Variants in ZNF184 observed in about 807,000 individuals in gnomAD.
The protein encoded by ZNF184 is zinc finger protein 184.
In ZNF184, 16 loss-of-function variants were observed where a neutral mutation model predicts 54.4. The ratio of observed to expected loss-of-function variants is 0.29; its 90% CI spans 0.20 to 0.45. ZNF184 has a LOEUF of 0.45. ZNF184 is among the 20% of genes least tolerant of loss of function. The probability of loss-of-function intolerance (pLI) is 1.00; values close to 1 mark genes in which losing one functional copy is unlikely to be tolerated. For missense variants in ZNF184, 681 were observed against 888.2 expected (o/e 0.77, Z 2.97); for synonymous variants, 254 against 295.3 (o/e 0.86, Z 1.43).
At chr6:27,422,144 AAAAAAAAG>A in the ZNF184 span, among the ~76,000 whole-genome samples, 14 of 42,304 alleles carry the variant, frequency 3.3e-4, 1 homozygote, top group Non-Finnish European at 6.6e-4. Flanking sequence ...GTACCTCAAA[AAAAAAAAG>A]AAAGAAAGAA....
chr6:27,419,694 T>G, the ZNF184 span, among the ~76,000 whole-genome samples: 1 of 100,630 alleles, frequency 9.9e-6, no homozygotes, highest in Non-Finnish European at 2.3e-5. This position sits in a 1 kb window ranked among gnomAD's most constrained non-coding sequence, Gnocchi z 4.8. Context: ...CTTCTCATGC[T>G]CCACAACAAT....
the ZNF184 span, among the ~76,000 whole-genome samples, chr6:27,422,195 A>AGAAG: frequency 1.2e-5 from 1 of 86,700 alleles, no homozygotes; most frequent in Non-Finnish European, 2.7e-5. Flanking sequence ...AAAGAAAGAA[A>AGAAG]GAAAGAAAGA....
At chr6:27,411,710 C>T in the ZNF184 span, among the ~76,000 whole-genome samples, 1 of 152,140 alleles carries the variant, frequency 6.6e-6, no homozygotes, top group African/African-American at 2.4e-5. Context: ...TTAATGTGGC[C>T]CAAATTACTG....
At chr6:27,409,878 T>C in the ZNF184 span, among the ~76,000 whole-genome samples, 1 of 152,206 alleles carries the variant, frequency 6.6e-6, no homozygotes, top group Admixed American at 6.5e-5. Flanking sequence ...CTTCCAGTCC[T>C]ATAAGCTCTA....
At chr6:27,410,126 C>T in the ZNF184 span, among the ~76,000 whole-genome samples, 2 of 152,172 alleles carry the variant, frequency 1.3e-5, no homozygotes, top group African/African-American at 4.8e-5. Context: ...TGAAAGTATA[C>T]TCTATGATGT....
At chr6:27,421,931 C>T in the ZNF184 span, among the ~76,000 whole-genome samples, 1 of 151,760 alleles carries the variant, frequency 6.6e-6, no homozygotes, top group African/African-American at 2.4e-5. Flanking sequence ...CTTAGCCAGG[C>T]TTGGTGGCAC....
the ZNF184 span, among the ~76,000 whole-genome samples, chr6:27,430,033 G>A: frequency 1.3e-5 from 2 of 152,204 alleles, no homozygotes; most frequent in Non-Finnish European, 2.9e-5. Context: ...AGTTAATTGG[G>A]TGGAGAAGTG....
chr6:27,449,628 C>A (rs1201356775), downstream of ZNF184, among the ~76,000 whole-genome samples: 1 of 152,080 alleles, frequency 6.6e-6, no homozygotes, highest in African/African-American at 2.4e-5. Flanking sequence ...GTGGCATGCA[C>A]CTATAGTTCC....
chr6:27,430,615 T>A, the ZNF184 span, among the ~76,000 whole-genome samples: 2 of 152,266 alleles, frequency 1.3e-5, no homozygotes, highest in South Asian at 4.1e-4. Flanking sequence ...TACCACAAGC[T>A]GGAAGAGGCA....
At chr6:27,421,112 CA>C in the ZNF184 span, among the ~76,000 whole-genome samples, 1 of 152,182 alleles carries the variant, frequency 6.6e-6, no homozygotes, top group Non-Finnish European at 1.5e-5. Flanking sequence ...TGGTGAAGCA[CA>C]GAGGATTTTT....
At chr6:27,454,973 A>G (rs1178708913) in intron 5 of ZNF184, among the ~76,000 whole-genome samples, 3 of 152,202 alleles carry the variant, frequency 2.0e-5, no homozygotes, top group Non-Finnish European at 4.4e-5. Context: ...GAGGGTCAAG[A>G]TCATCAAGAC....
chr6:27,422,352 A>G, the ZNF184 span, among the ~76,000 whole-genome samples: 1 of 151,954 alleles, frequency 6.6e-6, no homozygotes, highest in Non-Finnish European at 1.5e-5. Flanking sequence ...AGCAACAGAG[A>G]TGTTCCTTTT....
chr6:27,423,313 A>G, the ZNF184 span, among the ~76,000 whole-genome samples: 4 of 152,246 alleles, frequency 2.6e-5, no homozygotes, highest in Middle Eastern at 3.4e-3. Flanking sequence ...TTTTGCGGGG[A>G]TTGTCCAACA....
chr6:27,443,389 C>T, the ZNF184 span, among the ~76,000 whole-genome samples: 2 of 152,194 alleles, frequency 1.3e-5, no homozygotes, highest in African/African-American at 4.8e-5. Flanking sequence ...TACTAATTCC[C>T]GGTCACTTCT....
At chr6:27,414,134 C>T in the ZNF184 span, among the ~76,000 whole-genome samples, 1 of 152,164 alleles carries the variant, frequency 6.6e-6, no homozygotes, top group Non-Finnish European at 1.5e-5. Context: ...TCAGCAAATC[C>T]TGTTGGCTTT....
the ZNF184 span, among the ~76,000 whole-genome samples, chr6:27,410,085 GGT>G: frequency 1.3e-5 from 2 of 152,196 alleles, no homozygotes; most frequent in African/African-American, 4.8e-5. Context: ...ATATAGTCTA[GGT>G]GTGTAGTTGG....
the ZNF184 span, among the ~76,000 whole-genome samples, chr6:27,411,006 C>T: frequency 1.3e-5 from 2 of 152,222 alleles, no homozygotes; most frequent in East Asian, 3.9e-4. Context: ...AAACTGGTGT[C>T]TTTGTGCTAC....
Position 27,456,929 on chromosome 6 carries a change from T to C in ZNF184, c.203-8A>G, listed in dbSNP as rs1762870679. 1.2e-6 allele frequency: 2 copies of C among 1,610,134 alleles called. No homozygotes were observed. The highest frequency in any genetic ancestry group is 2.2e-5 in the South Asian group (2 of 90,380). The stretch of plus-strand genomic sequence containing the variant: ...GTTTAGAAACTTGGAGTCCTGTTCA[T>C]TAGGGAAAAAAAGAAAGAAACCTGC... On this transcript the variant is annotated splice_polypyrimidine_tract_variant and splice_region_variant and intron_variant, in intron 4 of 5. Coordinates refer to ENST00000683788, the MANE Select transcript of ZNF184 (RefSeq NM_001318891.2).
chr6:27,457,846 T>C (rs1762899423), intron 3 of ZNF184, among the ~76,000 whole-genome samples: 1 of 152,106 alleles, frequency 6.6e-6, no homozygotes, highest in Non-Finnish European at 1.5e-5. Flanking sequence ...GATAAAGTAA[T>C]TTAAAAATGG....
Sources: gnomAD v4.1 joint callset for allele counts (sites outside exome capture counted in the v4.1 genomes callset) on GRCh38, gnomAD v4.1.1 for gene constraint, Gnocchi (gnomAD v3.1) non-coding constraint, MANE v1.5 for transcripts, NCBI Gene and HGNC (gene_info 2026-07-23, HGNC 2026-07-21) for gene names.